The following LTN1 variants were observed in gnomAD, a reference collection of about 807,000 sequenced individuals.
The protein encoded by LTN1 is E3 ubiquitin-protein ligase listerin.
Under a neutral mutation model 201.2 loss-of-function variants are expected in LTN1, and 88 were observed. The ratio of observed to expected loss-of-function variants is 0.44; its 90% CI spans 0.37 to 0.52. The LOEUF is 0.52. Among genes scored for constraint, LTN1 ranks in the 20% least tolerant of loss-of-function variants. LTN1 has a pLI of 0.00. For synonymous variants in LTN1, 645 were observed against 713.5 expected (o/e 0.90, Z 1.53); for missense variants, 1,752 against 2,038.7 (o/e 0.86, Z 2.71).
intron 8 of LTN1, among the ~76,000 whole-genome samples, chr21:28,969,940 T>C (rs1036647380): frequency 2.6e-5 from 4 of 152,148 alleles, no homozygotes; most frequent in Non-Finnish European, 1.5e-5. Flanking sequence ...CACTTTGGCC[T>C]GTGCTAGGAT....
intron 16 of LTN1, 130 bp downstream of exon 16, chr21:28,956,626 GTTCTCA>G: frequency 1.9e-6 from 1 of 513,030 alleles, no homozygotes; most frequent in Non-Finnish European, 3.3e-6. Flanking sequence ...TAACTTCAAG[GTTCTCA>G]TCATTAAAAT....
At chr21:28,936,863 T>C (rs2084261174) in intron 25 of LTN1, among the ~76,000 whole-genome samples, 166 bp from the exon 26 acceptor site, 1 of 152,194 alleles carries the variant, frequency 6.6e-6, no homozygotes, top group Non-Finnish European at 1.5e-5. Context: ...TGTCTTCCTG[T>C]ATTACAATGC....
chr21:28,953,918 A>G (rs905165096), intron 16 of LTN1, among the ~76,000 whole-genome samples: 2 of 152,216 alleles, frequency 1.3e-5, no homozygotes, highest in African/African-American at 2.4e-5. Context: ...CCAAGTATCT[A>G]TCATAAAGCC....
At chr21:28,974,618 T>C (rs1439196101) in intron 6 of LTN1, among the ~76,000 whole-genome samples, 2 of 152,162 alleles carry the variant, frequency 1.3e-5, no homozygotes, top group Non-Finnish European at 2.9e-5. Context: ...GACATCTTTC[T>C]GGCCAGAGGA....
intron 5 of LTN1, among the ~76,000 whole-genome samples, chr21:28,981,869 A>G (rs564093406): frequency 3.9e-5 from 6 of 152,242 alleles, no homozygotes; most frequent in Non-Finnish European, 8.8e-5. Context: ...AGCATCTCAC[A>G]TACAGCATTA....
In LTN1 at chr21:28,930,116, T is replaced by C; in HGVS notation, c.*332A>G. ...CGGAATGGGTTTATCAATAATATAG[T>C]TGTGCAATCTTTTCACAAATTCCAA... On this transcript the variant is annotated 3_prime_UTR_variant, in exon 30 of 30. Transcript: ENST00000361371. 1 of 197,712 alleles carries C rather than the reference T, an allele frequency of 5.1e-6. No homozygotes were observed. The highest frequency in any genetic ancestry group is 1.0e-5 in the Non-Finnish European group (1 of 98,314). The allele number at this position is 197,712 out of a possible 1,614,324, so 12.2% of individuals were successfully genotyped here.
intron 14 of LTN1, 43 bp downstream of exon 14, chr21:28,958,343 C>T: frequency 6.4e-7 from 1 of 1,559,028 alleles, no homozygotes; most frequent in Non-Finnish European, 8.7e-7. Flanking sequence ...GGACACTGTT[C>T]AAGTATAAAA....
chr21:28,991,838 A>G (rs1568862511), intron 1 of LTN1, among the ~76,000 whole-genome samples: 1 of 152,234 alleles, frequency 6.6e-6, no homozygotes, highest in Admixed American at 6.5e-5. Flanking sequence ...AGGAAAAAAA[A>G]GCATTCTCAT....
At chr21:28,950,358 T>C (rs1419816196) in intron 18 of LTN1, among the ~76,000 whole-genome samples, 1 of 152,200 alleles carries the variant, frequency 6.6e-6, no homozygotes, top group Non-Finnish European at 1.5e-5. Context: ...AAGCTATTCA[T>C]TTTTGTGTGG....
In LTN1 at chr21:28,943,287, CG is replaced by C; in HGVS notation, c.4269del (p.Tyr1423Ter). On this transcript the variant is annotated frameshift_variant, in exon 24 of 30. Coordinates refer to ENST00000361371, the MANE Select transcript of LTN1 (RefSeq NM_015565.3). LOFTEE classifies it high-confidence loss of function. Reference sequence around the variant, plus strand: ...AAGGCTGGCTCTTCTTCTTCATCTCCGTATGACTTTAGATTATCCTGATCAT... The same window carrying C: ...AAGGCTGGCTCTTCTTCTTCATCTCCTATGACTTTAGATTATCCTGATCAT... The part of the protein sequence containing the change: ...PQYDQDNLKS[Y>X]GDEEEEPALS... 1 of 1,602,890 alleles carries C rather than the reference CG, an allele frequency of 6.2e-7. No individual in the cohort carries two copies. Among genetic ancestry groups the C allele is most frequent in the East Asian group, 2.2e-5 (1 of 44,682 alleles).
At chr21:28,934,689 T>C (rs1372663787) in intron 27 of LTN1, among the ~76,000 whole-genome samples, 1 of 152,148 alleles carries the variant, frequency 6.6e-6, no homozygotes, top group Non-Finnish European at 1.5e-5. Context: ...ATTCCTGACC[T>C]CAAGTGATCC....
chr21:28,970,589 C>T lies in LTN1; in HGVS notation c.1138G>A (p.Asp380Asn), dbSNP rs1347538656. The T allele has an allele frequency of 6.2e-7, 1 of 1,612,938 alleles. No homozygotes were observed. Among genetic ancestry groups the T allele is most frequent in the Admixed American group, 1.7e-5 (1 of 59,882 alleles). Residue 380 changes from aspartate (D) to asparagine (N), a missense_variant, in exon 8 of 30, where the codon GAT becomes AAT. Around this residue, in one of 3 missense-constraint regions of LTN1, gnomAD observed 1,211 missense variants for 1,312.8 expected, o/e 0.92. Transcript: ENST00000361371. ...GACGTGAGGAAATTTTTGAAGAAAT[C>T]CAACTTTGGATTTGTGATGGACTGA... ...LPQSITNPKL[D>N]FFKNFLTSLV...
intron 27 of LTN1, 50 bp from the exon 28 acceptor site, chr21:28,932,714 C>A: frequency 7.5e-7 from 1 of 1,328,512 alleles, no homozygotes; most frequent in South Asian, 1.3e-5. Context: ...GTCTTTCAAC[C>A]AGAAAACATT....
At chr21:28,930,620 G>A in intron 29 of LTN1, 110 bp from the exon 30 acceptor site, 1 of 663,790 alleles carries the variant, frequency 1.5e-6, no homozygotes, top group Non-Finnish European at 2.5e-6. Context: ...AAAGTGAAAA[G>A]GGAAGAACAA....
rs2084195356 is a variant in LTN1, at chr21:28,929,613, A to G, written c.*835T>C. ...CCACTGATCTTTAAGTTTCAGTAAT[A>G]CTCATTTATTTCTTCCCTCTCAATA... On this transcript the variant is annotated 3_prime_UTR_variant, in exon 30 of 30. Coordinates refer to ENST00000361371, the MANE Select transcript of LTN1 (RefSeq NM_015565.3). 6.6e-6 allele frequency: 1 copy of G among 151,908 alleles called. No homozygotes were observed. The highest frequency in any genetic ancestry group is 2.1e-4 in the South Asian group (1 of 4,818). The allele number at this position is 151,908 out of a possible 1,614,324, so 9.4% of individuals were successfully genotyped here. A position where few individuals can be genotyped will look rare whatever the true frequency, so the allele number is the denominator to read the frequency against.
intron 15 of LTN1, 150 bp from the exon 16 acceptor site, chr21:28,957,098 C>CT (rs1013122700): frequency 7.5e-6 from 5 of 666,848 alleles, no homozygotes; most frequent in Admixed American, 3.2e-5. Flanking sequence ...ATGTGTATTT[C>CT]TTTAAGACTC....
In LTN1 at chr21:28,970,681, C is replaced by G; in HGVS notation, c.1046G>C (p.Arg349Pro). The change falls in exon 8 of 30, where the codon CGT (arginine) becomes CCT (proline). Residue 349 changes from arginine (R) to proline (P), a missense_variant. By Grantham distance (103) the Arg-to-Pro change is moderately radical. Transcript: ENST00000361371. Reference sequence around the variant, plus strand: ...AGTAGCTAGACCCCGACCACCTTCACGAATCACAGTTGATAGCTTGGGAAA... The same window carrying G: ...AGTAGCTAGACCCCGACCACCTTCAGGAATCACAGTTGATAGCTTGGGAAA... ...SVFPKLSTVI[R>P]EGGRGLATVI... 1 of 1,613,896 alleles carries G rather than the reference C, an allele frequency of 6.2e-7. No individual in the cohort carries two copies.
chr21:28,939,746 A>C (rs2084282883), intron 25 of LTN1, among the ~76,000 whole-genome samples: 1 of 152,232 alleles, frequency 6.6e-6, no homozygotes, highest in Admixed American at 6.5e-5. Flanking sequence ...CAAAACTCTT[A>C]TACACAAATG....
At chr21:28,953,552 T>C (rs2084400797) in intron 16 of LTN1, among the ~76,000 whole-genome samples, 176 bp from the exon 17 acceptor site, 1 of 152,204 alleles carries the variant, frequency 6.6e-6, no homozygotes, top group Non-Finnish European at 1.5e-5. Flanking sequence ...ACTGAGAATA[T>C]ATGTCTGATA....
Sources: gnomAD v4.1 joint callset for allele counts (sites outside exome capture counted in the v4.1 genomes callset) on GRCh38, gnomAD v4.1.1 for gene constraint, gnomAD v4.1.1 regional missense constraint, MANE v1.5 for transcripts, NCBI Gene and HGNC (gene_info 2026-07-23, HGNC 2026-07-21) for gene names.